MOB4: variants seen among roughly 807,000 people sequenced by gnomAD.
MOB4 encodes MOB-like protein phocein.
MOB4 carries 4 observed loss-of-function variants against 32.2 expected under a neutral mutation model. That is an observed-to-expected ratio of 0.12 (90% confidence interval 0.06 to 0.28). The LOEUF is 0.28. Ranked by LOEUF, MOB4 falls within the 10% of genes least tolerant of loss-of-function variation. The pLI is 1.00. For missense variants in MOB4, 158 were observed against 271.2 expected (o/e 0.58, Z 2.93); for synonymous variants, 88 against 88.1 (o/e 1.00, Z 0.01).
intron 3 of MOB4, among the ~76,000 whole-genome samples, chr2:197,536,899 CT>C (rs929221729): frequency 2.0e-5 from 3 of 148,918 alleles, no homozygotes; most frequent in Non-Finnish European, 3.0e-5. Context: ...CCTGACTTGT[CT>C]TTTTTTTTTC....
rs1292229174 is a variant in MOB4 at position 197,551,886 on chromosome 2, T to C, written c.*1240T>C. 6.6e-6 allele frequency: 1 copy of C among 152,328 alleles called. No individual in the cohort carries two copies. Among genetic ancestry groups the C allele is most frequent in the Non-Finnish European group, 1.5e-5 (1 of 68,032 alleles). The allele number at this position is 152,328 out of a possible 1,614,324, so 9.4% of individuals were successfully genotyped here. ...AGCACTGGAGGTCTTATTGCCAAAC[T>C]GATTGTAATGAGGCAGTAAGGGTGA... On this transcript the variant is annotated 3_prime_UTR_variant, in exon 8 of 8. Coordinates refer to ENST00000323303, the MANE Select transcript of MOB4 (RefSeq NM_015387.5).
Position 197,548,316 on chromosome 2 carries a change from C to T in MOB4, c.355-20C>T, listed in dbSNP as rs543045996. 94 of 1,590,440 alleles carry T rather than the reference C, an allele frequency of 5.9e-5. No individual in the cohort carries two copies. In the South Asian group the frequency reaches 9.5e-4, roughly 16 times the overall value. On this transcript the variant is annotated intron_variant, in intron 5 of 7. Transcript: ENST00000323303. Reference sequence around the variant, plus strand: ...GAGAGAGCTCTTTGTTGATGCATTTCTATATTCTTTCTTTTGTAGTGTCCT... The same window carrying T: ...GAGAGAGCTCTTTGTTGATGCATTTTTATATTCTTTCTTTTGTAGTGTCCT...
chr2:197,519,000 C>T (rs561223710), intron 1 of MOB4, among the ~76,000 whole-genome samples: 15 of 151,856 alleles, frequency 9.9e-5, no homozygotes, highest in South Asian at 2.1e-4. Flanking sequence ...TCTCGTGATC[C>T]GCCCGTCTCG....
upstream of MOB4, chr2:197,516,048 C>T (rs762666188): frequency 1.8e-5 from 28 of 1,555,338 alleles, no homozygotes; most frequent in Non-Finnish European, 1.9e-5. Flanking sequence ...GCCGTCCCTA[C>T]ATCCGGGTAC....
At chr2:197,547,411 A>G (rs765402731) in intron 5 of MOB4, among the ~76,000 whole-genome samples, 1 of 152,220 alleles carries the variant, frequency 6.6e-6, no homozygotes, top group Non-Finnish European at 1.5e-5. Flanking sequence ...CTGTGGTCAT[A>G]TATCTGGAGA....
At chr2:197,527,176 A>AG (rs1553586766) in intron 2 of MOB4, among the ~76,000 whole-genome samples, 1 of 152,062 alleles carries the variant, frequency 6.6e-6, no homozygotes, top group Admixed American at 6.6e-5. Context: ...TGCAAAAAAA[A>AG]GGGGGGCGTC....
intron 5 of MOB4, among the ~76,000 whole-genome samples, chr2:197,547,399 A>G (rs1252828194): frequency 6.6e-6 from 1 of 152,218 alleles, no homozygotes; most frequent in East Asian, 1.9e-4. Context: ...TGACCAACTC[A>G]TCTGTGGTCA....
At chr2:197,531,390 T>C (rs1307042249) in intron 2 of MOB4, among the ~76,000 whole-genome samples, 2 of 152,082 alleles carry the variant, frequency 1.3e-5, no homozygotes, top group East Asian at 3.9e-4. Flanking sequence ...ATGAAGTACA[T>C]TCCCATTGTG....
At chr2:197,522,995 CAG>C (rs1229200752) in intron 1 of MOB4, among the ~76,000 whole-genome samples, 2 of 151,812 alleles carry the variant, frequency 1.3e-5, no homozygotes, top group African/African-American at 4.8e-5. Context: ...AGCCTGGCGA[CAG>C]AGTGGTCTCA....
chr2:197,533,444 G>A (rs1008906145), intron 2 of MOB4, among the ~76,000 whole-genome samples: 2 of 152,230 alleles, frequency 1.3e-5, no homozygotes, highest in Admixed American at 1.3e-4. Context: ...AGTGTTTGAG[G>A]CTGGGTACGG....
Position 197,551,625 on chromosome 2 carries a change from G to A in MOB4, c.*979G>A, listed in dbSNP as rs2087099798. 1 of 152,552 alleles carries A rather than the reference G, an allele frequency of 6.6e-6. No homozygotes were observed. The highest frequency in any genetic ancestry group is 1.5e-5 in the Non-Finnish European group (1 of 68,018). 9.4% of individuals were successfully genotyped at this position (152,552 alleles called of 1,614,324 possible). A position where few individuals can be genotyped will look rare whatever the true frequency, so the allele number is the denominator to read the frequency against. On this transcript the variant is annotated 3_prime_UTR_variant, in exon 8 of 8. Coordinates refer to ENST00000323303, the MANE Select transcript of MOB4 (RefSeq NM_015387.5). ...TATTAATCTTTCATTTAACCAGCTA[G>A]GCAGCATTAAATAGAATTGAAGAAA...
chr2:197,516,266 G>A (rs1440408016), intron 1 of MOB4, 120 bp downstream of exon 1: 7 of 1,475,694 alleles, frequency 4.7e-6, no homozygotes, highest in Non-Finnish European at 6.3e-6. Context: ...TGGGGCACTG[G>A]TGCCCGGCCT....
intron 5 of MOB4, among the ~76,000 whole-genome samples, chr2:197,543,933 T>A (rs2086943695): frequency 6.6e-6 from 1 of 152,030 alleles, no homozygotes; most frequent in Non-Finnish European, 1.5e-5. Flanking sequence ...AGTGACATGG[T>A]TTCACCCTAT....
intron 5 of MOB4, among the ~76,000 whole-genome samples, chr2:197,541,478 A>G (rs763187881): frequency 1.3e-5 from 2 of 152,222 alleles, no homozygotes; most frequent in African/African-American, 4.8e-5. Context: ...CCTAGTTGCA[A>G]AATCAATATC....
intron 2 of MOB4, among the ~76,000 whole-genome samples, chr2:197,531,312 GGGATTACAGGC>G (rs1305363070): frequency 6.6e-6 from 1 of 151,292 alleles, no homozygotes; most frequent in Non-Finnish European, 1.5e-5. Context: ...CCAAAGTGCT[GGGATTACAGGC>G]GTGAGCCACT....
At chr2:197,522,134 G>C (rs1172514424) in intron 1 of MOB4, among the ~76,000 whole-genome samples, 1 of 152,130 alleles carries the variant, frequency 6.6e-6, no homozygotes, top group African/African-American at 2.4e-5. Flanking sequence ...CGTGGTTTCA[G>C]CCGGTCCCTC....
chr2:197,548,240 C>T (rs2087032809), intron 5 of MOB4, 96 bp from the exon 6 acceptor site: 3 of 987,796 alleles, frequency 3.0e-6, no homozygotes, highest in Non-Finnish European at 4.2e-6. Context: ...TTAGAACATG[C>T]TCATGTCTTT....
intron 5 of MOB4, among the ~76,000 whole-genome samples, chr2:197,542,717 T>C (rs2086917667): frequency 6.6e-6 from 1 of 152,218 alleles, no homozygotes; most frequent in Non-Finnish European, 1.5e-5. Context: ...AAAAATATAA[T>C]ACATAAAAAT....
rs148183509 is a variant in MOB4 at position 197,543,420 on chromosome 2, G to A, written c.354+2983G>A. Among the ~76,000 whole-genome samples the A allele has an allele frequency of 2.2e-3, 337 of 151,696 alleles. 2 individuals carry two copies. Among genetic ancestry groups the A allele is most frequent in the African/African-American group, 7.7e-3 (320 of 41,360 alleles). On this transcript the variant is annotated intron_variant, in intron 5 of 7. Transcript: ENST00000323303. ...CGTTATTGTTATGCTGATTAACATT[G>A]TCTCCTCCACAACCATGCTTGATAA...
Sources: gnomAD v4.1 joint callset for allele counts (sites outside exome capture counted in the v4.1 genomes callset) on GRCh38, gnomAD v4.1.1 for gene constraint, MANE v1.5 for transcripts, NCBI Gene and HGNC (gene_info 2026-07-23, HGNC 2026-07-21) for gene names.